Variants in IPO13 observed in about 807,000 individuals in gnomAD.
The protein encoded by IPO13 is importin 13, also known as importin-13.
In IPO13, 28 loss-of-function variants were observed where a neutral mutation model predicts 115.5. The observed-to-expected ratio is 0.24, with a 90% CI of 0.18 to 0.33. The LOEUF (loss-of-function observed/expected upper bound fraction) is 0.33, where lower values mean the gene tolerates loss of function less well. Among genes scored for constraint, IPO13 ranks in the 10% least tolerant of loss-of-function variants. The probability of loss-of-function intolerance (pLI) is 1.00; values close to 1 mark genes in which losing one functional copy is unlikely to be tolerated. For synonymous variants in IPO13, 414 were observed against 478.9 expected (o/e 0.86, Z 1.77); for missense variants, 785 against 1,204.6 (o/e 0.65, Z 5.16).
At chr1:43,957,084 T>G in intron 5 of IPO13, 108 bp downstream of exon 5, 7 of 1,562,544 alleles carry the variant, frequency 4.5e-6, no homozygotes, top group Non-Finnish European at 6.1e-6. Context: ...CCTTTCTGTT[T>G]TCTAGGTATT....
rs2085246492 is a variant in IPO13 at position 43,956,166 on chromosome 1, A to C, written c.822-154A>C. On this transcript the variant is annotated intron_variant, in intron 2 of 19. Transcript: ENST00000372343. This position sits in a 1 kb window ranked among gnomAD's most constrained non-coding sequence, Gnocchi z 4.7. ...GGTTCTTCCCAACATTGGGAACATCAAATCTGCCATGTAGACCCTGACCCT... is the reference window on the plus strand; with the variant it reads ...GGTTCTTCCCAACATTGGGAACATCCAATCTGCCATGTAGACCCTGACCCT... Among the ~76,000 whole-genome samples the C allele has an allele frequency of 2.0e-5, 3 of 152,020 alleles. No homozygotes were observed. Among genetic ancestry groups the C allele is most frequent in the Admixed American group, 2.0e-4 (3 of 15,276 alleles).
intron 2 of IPO13, among the ~76,000 whole-genome samples, chr1:43,951,329 A>G (rs1157065357): frequency 6.6e-6 from 1 of 152,180 alleles, no homozygotes; most frequent in Non-Finnish European, 1.5e-5. Flanking sequence ...TGGAGAACGC[A>G]GGGGCCTTGA....
rs36061711 is a variant in IPO13, at chr1:43,956,695, A to G, written c.1098A>G (p.Thr366=). 6.3e-3 allele frequency: 10,198 copies of G among 1,614,106 alleles called. 577 individuals carry two copies. In the African/African-American group the frequency reaches 0.12, roughly 19 times the overall value. The change falls in exon 4 of 20, where the codon ACA becomes ACG. Residue 366 remains threonine (T), a synonymous_variant. Coordinates refer to ENST00000372343, the MANE Select transcript of IPO13 (RefSeq NM_014652.4). The surrounding 1 kb of genome is among the most constrained non-coding windows in gnomAD (Gnocchi z 4.7). ...TSSLTLTFWY[T]LQDDILSFEA... ...CCCTAACCCTCACCTTCTGGTACACACTGCAGGTGTGTCTGTGTGACCTCC... is the reference window on the plus strand; with the variant it reads ...CCCTAACCCTCACCTTCTGGTACACGCTGCAGGTGTGTCTGTGTGACCTCC...
Position 43,967,113 on chromosome 1 carries a change from A to G in IPO13, c.2613+94A>G. On this transcript the variant is annotated intron_variant, in intron 18 of 19. Coordinates refer to ENST00000372343, the MANE Select transcript of IPO13 (RefSeq NM_014652.4). The surrounding 1 kb of genome is among the most constrained non-coding windows in gnomAD (Gnocchi z 6.1). Reference sequence around the variant, plus strand: ...GGAGGCTTGAGCCTTTGGTCCCCTAAGCTCTCAGATTCTGTTTCTTCTTCA... The same window carrying G: ...GGAGGCTTGAGCCTTTGGTCCCCTAGGCTCTCAGATTCTGTTTCTTCTTCA... The G allele has an allele frequency of 8.0e-7, 1 of 1,250,944 alleles. No homozygotes were observed. Among genetic ancestry groups the G allele is most frequent in the Non-Finnish European group, 1.2e-6 (1 of 855,266 alleles). 77.5% of individuals were successfully genotyped at this position (1,250,944 alleles called of 1,614,324 possible). A position where few individuals can be genotyped will look rare whatever the true frequency, so the allele number is the denominator to read the frequency against.
chr1:43,967,654 A>G lies in IPO13; in HGVS notation c.2864A>G (p.His955Arg). Residue 955 changes from histidine (H) to arginine (R), a missense_variant, in exon 20 of 20, where the codon CAT becomes CGT. Physicochemically the swap from His to Arg is conservative, Grantham distance 29. Around this residue, in one of 3 missense-constraint regions of IPO13, gnomAD observed 285 missense variants for 394.8 expected, o/e 0.72. Transcript: ENST00000372343. This position sits in a 1 kb window ranked among gnomAD's most constrained non-coding sequence, Gnocchi z 6.1. ...TTCACACTGCTGTGCCGGGGTCTCC[A>G]TGGCACAGATTACACAGCTGACTAC... ...KEFTLLCRGL[H>R]GTDYTADY 4.3e-6 allele frequency: 7 copies of G among 1,614,122 alleles called. No homozygotes were observed. The highest frequency in any genetic ancestry group is 5.9e-6 in the Non-Finnish European group (7 of 1,179,946).
intron 2 of IPO13, among the ~76,000 whole-genome samples, chr1:43,950,793 C>G (rs1454754143): frequency 6.6e-6 from 1 of 152,218 alleles, no homozygotes; most frequent in Non-Finnish European, 1.5e-5. Context: ...ATACTTGACA[C>G]CTTGCCTCAG....
rs1402095739 is a variant in IPO13, at chr1:43,952,978, G to T, written c.821+2825G>T. Among the ~76,000 whole-genome samples the T allele has an allele frequency of 6.6e-6, 1 of 152,212 alleles. No individual in the cohort carries two copies. Among genetic ancestry groups the T allele is most frequent in the Non-Finnish European group, 1.5e-5 (1 of 68,030 alleles). ...TGCTGGGTGGGCTCTGACAGTTGGT[G>T]ACTAAGGGAAACAGATCAGGGCAAG... On this transcript the variant is annotated intron_variant, in intron 2 of 19. Transcript: ENST00000372343. The surrounding 1 kb of genome is among the most constrained non-coding windows in gnomAD (Gnocchi z 4.7).
chr1:43,956,198 G>T lies in IPO13; in HGVS notation c.822-122G>T. ...CCATGTAGACCCTGACCCTTTTTTTGCTTAGGATTTGATAAGGGAAGGGGA... is the reference window on the plus strand; with the variant it reads ...CCATGTAGACCCTGACCCTTTTTTTTCTTAGGATTTGATAAGGGAAGGGGA... On this transcript the variant is annotated intron_variant, in intron 2 of 19. Coordinates refer to ENST00000372343, the MANE Select transcript of IPO13 (RefSeq NM_014652.4). The surrounding 1 kb of genome is among the most constrained non-coding windows in gnomAD (Gnocchi z 4.7). The T allele has an allele frequency of 8.0e-6, 9 of 1,123,874 alleles. No homozygotes were observed. Among genetic ancestry groups the T allele is most frequent in the South Asian group, 4.8e-5 (3 of 62,340 alleles). The allele number at this position is 1,123,874 out of a possible 1,614,324, so 69.6% of individuals were successfully genotyped here.
rs112606812 is a variant in IPO13 at position 43,947,485 on chromosome 1, C to G, written c.-116C>G. 1 of 539,564 alleles carries G rather than the reference C, an allele frequency of 1.9e-6. No individual in the cohort carries two copies. Among genetic ancestry groups the G allele is most frequent in the South Asian group, 8.3e-5 (1 of 12,112 alleles). The allele number at this position is 539,564 out of a possible 1,614,324, so 33.4% of individuals were successfully genotyped here. A position where few individuals can be genotyped will look rare whatever the true frequency, so the allele number is the denominator to read the frequency against. On this transcript the variant is annotated 5_prime_UTR_variant, in exon 1 of 20. Coordinates refer to ENST00000372343, the MANE Select transcript of IPO13 (RefSeq NM_014652.4). ...GGCAGCCATGCCCGCCCTGGGCCCC[C>G]CCTCACCCCACCACTCCCTGGGCAC...
At chr1:43,962,618 T>A (rs781198902) in intron 14 of IPO13, among the ~76,000 whole-genome samples, 1 of 152,186 alleles carries the variant, frequency 6.6e-6, no homozygotes, top group African/African-American at 2.4e-5. Context: ...TCCCATTTGA[T>A]CCCTGTGCCT....
chr1:43,956,561 G>A lies in IPO13; in HGVS notation c.964G>A (p.Ala322Thr). 1.2e-6 allele frequency: 2 copies of A among 1,614,194 alleles called. No homozygotes were observed. Among genetic ancestry groups the A allele is most frequent in the African/African-American group, 2.7e-5 (2 of 75,040 alleles). ...AGAATGACCTGACTCTCTCCCCAGG[G>A]CCTTGCTGGACCAAGTAGAGCACTG... The part of the protein sequence containing the change: ...AVALGENHSR[A>T]LLDQVEHWQS... Residue 322 changes from alanine to threonine, a missense_variant and splice_region_variant, in exon 4 of 20, where the codon GCC becomes ACC. This residue lies in a region of IPO13 where 325 missense variants were observed against 449.8 expected (regional missense o/e 0.72). Coordinates refer to ENST00000372343, the MANE Select transcript of IPO13 (RefSeq NM_014652.4). The surrounding 1 kb of genome is among the most constrained non-coding windows in gnomAD (Gnocchi z 4.7).
intron 15 of IPO13, among the ~76,000 whole-genome samples, chr1:43,964,918 G>A (rs1382432976): frequency 6.6e-6 from 1 of 152,166 alleles, no homozygotes; most frequent in Non-Finnish European, 1.5e-5. Flanking sequence ...TATGTTTTGA[G>A]TTTGGTTTGG....
chr1:43,963,397 T>C (rs1361409528), intron 14 of IPO13, among the ~76,000 whole-genome samples: 1 of 152,240 alleles, frequency 6.6e-6, no homozygotes, highest in Non-Finnish European at 1.5e-5. Flanking sequence ...ATACCTGTTA[T>C]GCCATCCCAA....
Position 43,966,909 on chromosome 1 carries a change from G to A in IPO13, c.2524-21G>A, listed in dbSNP as rs1389339056. 6.2e-7 allele frequency: 1 copy of A among 1,612,492 alleles called. No individual in the cohort carries two copies. Among genetic ancestry groups the A allele is most frequent in the African/African-American group, 1.3e-5 (1 of 74,908 alleles). ...AGAGCTGGGAAGGAGCTGGGCTGATGGGCCTCTCCATCCTCTGCAGACAGA... is the reference window on the plus strand; with the variant it reads ...AGAGCTGGGAAGGAGCTGGGCTGATAGGCCTCTCCATCCTCTGCAGACAGA... On this transcript the variant is annotated intron_variant, in intron 17 of 19. Transcript: ENST00000372343. The surrounding 1 kb of genome is among the most constrained non-coding windows in gnomAD (Gnocchi z 4.1).
Position 43,950,031 on chromosome 1 carries a change from G to T in IPO13, c.699G>T (p.Glu233Asp), listed in dbSNP as rs1160650564. The change falls in exon 2 of 20, where the codon GAG (glutamate) becomes GAT (aspartate). Residue 233 changes from glutamate (E) to aspartate (D), a missense_variant. Transcript: ENST00000372343. The part of the protein sequence containing the change: ...LKCFSSWVQL[E>D]VPLQDCEALI... ...GTTTCTCCAGCTGGGTGCAGCTGGA[G>T]GTGCCGCTGCAGGACTGTGAGGCGC... 7.4e-6 allele frequency: 12 copies of T among 1,613,546 alleles called. No homozygotes were observed. Among genetic ancestry groups the T allele is most frequent in the Non-Finnish European group, 9.3e-6 (11 of 1,179,958 alleles).
rs1571759587 is a variant in IPO13 at position 43,947,332 on chromosome 1, C to G, written c.-269C>G. On this transcript the variant is annotated 5_prime_UTR_variant, in exon 1 of 20. Transcript: ENST00000372343. Reference sequence around the variant, plus strand: ...CTGGGGACAGAGCTGTTACCTGCCACTAGGATCCCCGCCTGAGAGCTCCTC... The same window carrying G: ...CTGGGGACAGAGCTGTTACCTGCCAGTAGGATCCCCGCCTGAGAGCTCCTC... 1 of 399,182 alleles carries G rather than the reference C, an allele frequency of 2.5e-6. No individual in the cohort carries two copies. The highest frequency in any genetic ancestry group is 3.6e-5 in the East Asian group (1 of 28,074). 24.7% of individuals were successfully genotyped at this position (399,182 alleles called of 1,614,324 possible).
chr1:43,952,522 T>C lies in IPO13; in HGVS notation c.821+2369T>C, dbSNP rs962368549. ...TAGTTACTATTAAATGGATTAAGGC[T>C]GTTTACTTTTAGTACTGGTCATAAG... On this transcript the variant is annotated intron_variant, in intron 2 of 19. Transcript: ENST00000372343. The surrounding 1 kb of genome is among the most constrained non-coding windows in gnomAD (Gnocchi z 4.7). Among the ~76,000 whole-genome samples the C allele has an allele frequency of 6.6e-6, 1 of 152,220 alleles. No individual in the cohort carries two copies. Among genetic ancestry groups the C allele is most frequent in the Non-Finnish European group, 1.5e-5 (1 of 68,038 alleles).
intron 14 of IPO13, among the ~76,000 whole-genome samples, chr1:43,964,028 G>A (rs1398083280): frequency 1.4e-4 from 22 of 152,226 alleles, no homozygotes; most frequent in Admixed American, 1.4e-3. Flanking sequence ...AGGAGGAGTG[G>A]GGAGTAGGCG....
rs2085175924 is a variant in IPO13, at chr1:43,947,548, G to A, written c.-53G>A. ...CTAGCAGGGGGCCAGCAGCCAAGGG[G>A]CTGGGGCAGGAGACAGATCAGGGCC... is the stretch of plus-strand genomic sequence containing the variant. On this transcript the variant is annotated 5_prime_UTR_variant, in exon 1 of 20. Coordinates refer to ENST00000372343, the MANE Select transcript of IPO13 (RefSeq NM_014652.4). 4 of 1,062,056 alleles carry A rather than the reference G, an allele frequency of 3.8e-6. No homozygotes were observed. Among genetic ancestry groups the A allele is most frequent in the South Asian group, 3.8e-5 (1 of 26,238 alleles). The allele number at this position is 1,062,056 out of a possible 1,614,324, so 65.8% of individuals were successfully genotyped here. A position where few individuals can be genotyped will look rare whatever the true frequency, so the allele number is the denominator to read the frequency against.
Sources: allele counts gnomAD v4.1 joint callset (sites outside exome capture counted in the v4.1 genomes callset), GRCh38; gene constraint gnomAD v4.1.1; regional missense constraint gnomAD v4.1.1; non-coding constraint Gnocchi (gnomAD v3.1); transcripts MANE v1.5; gene names NCBI Gene and HGNC (gene_info 2026-07-23, HGNC 2026-07-21).